SNX13: variants seen among roughly 807,000 people sequenced by gnomAD.
SNX13 encodes sorting nexin-13.
Under a neutral mutation model 133.6 loss-of-function variants are expected in SNX13, and 45 were observed. That is an observed-to-expected ratio of 0.34 (90% CI 0.27 to 0.43). The LOEUF is 0.43. Ranked by LOEUF, SNX13 falls within the 20% of genes least tolerant of loss-of-function variation. SNX13 has a pLI of 1.00. For missense variants in SNX13, 1,032 were observed against 1,145.1 expected (o/e 0.90, Z 1.43); for synonymous variants, 414 against 373.9 (o/e 1.11, Z -1.24).
chr7:17,923,736 T>C (rs1362126381), intron 1 of SNX13, among the ~76,000 whole-genome samples: 1 of 151,482 alleles, frequency 6.6e-6, no homozygotes, highest in Non-Finnish European at 1.5e-5. Flanking sequence ...CTTCTCGGAG[T>C]TGTGGCTAAT....
intron 20 of SNX13, among the ~76,000 whole-genome samples, chr7:17,807,449 A>C (rs1785439092): frequency 6.6e-6 from 1 of 152,194 alleles, no homozygotes; most frequent in Non-Finnish European, 1.5e-5. Context: ...GCAGGAAAGA[A>C]AGGCAGCAAC....
intron 22 of SNX13, among the ~76,000 whole-genome samples, chr7:17,800,268 T>C (rs1784471414): frequency 6.6e-6 from 1 of 151,784 alleles, no homozygotes; most frequent in Non-Finnish European, 1.5e-5. Flanking sequence ...AATGAAAATA[T>C]TATTTTTGAT....
chr7:17,851,213 A>C (rs2691620), intron 9 of SNX13, among the ~76,000 whole-genome samples: 85,606 of 152,076 alleles, frequency 0.56, 24,607 homozygotes, highest in East Asian at 0.72. Flanking sequence ...ATGATAGCAA[A>C]GAAGCCATGA....
chr7:17,823,200 T>C (rs1208735980), intron 17 of SNX13, among the ~76,000 whole-genome samples: 1 of 152,178 alleles, frequency 6.6e-6, no homozygotes, highest in Non-Finnish European at 1.5e-5. Context: ...CCCCATGGTC[T>C]ACGGCATCTG....
At chr7:17,812,041 A>C (rs6958211) in intron 20 of SNX13, among the ~76,000 whole-genome samples, 85,214 of 151,964 alleles carry the variant, frequency 0.56, 24,418 homozygotes, top group East Asian at 0.72. Flanking sequence ...AAAACATAAA[A>C]ACCCTAGAAG....
chr7:17,818,228 G>GGCCACC (rs1235708221), intron 18 of SNX13, among the ~76,000 whole-genome samples: 1 of 151,888 alleles, frequency 6.6e-6, no homozygotes, highest in African/African-American at 2.4e-5. Context: ...CTGTTGTTTG[G>GGCCACC]GCCACCCGGT....
At chr7:17,856,357 A>G (rs879307721) in intron 9 of SNX13, among the ~76,000 whole-genome samples, 1 of 152,256 alleles carries the variant, frequency 6.6e-6, no homozygotes, top group Admixed American at 6.5e-5. Flanking sequence ...ACATACTACC[A>G]GAGAAAAATC....
At chr7:17,915,479 GACAA>G (rs893217463) in intron 1 of SNX13, among the ~76,000 whole-genome samples, 1 of 152,120 alleles carries the variant, frequency 6.6e-6, no homozygotes, top group African/African-American at 2.4e-5. Flanking sequence ...AAAGTCAACC[GACAA>G]ACAACCCCAG....
chr7:17,792,560 T>A lies in SNX13; in HGVS notation c.*1485A>T, dbSNP rs1011305444. 2.0e-5 allele frequency: 3 copies of A among 152,404 alleles called. No individual in the cohort carries two copies. Among genetic ancestry groups the A allele is most frequent in the Non-Finnish European group, 4.4e-5 (3 of 67,908 alleles). The allele number at this position is 152,404 out of a possible 1,614,324, so 9.4% of individuals were successfully genotyped here. On this transcript the variant is annotated 3_prime_UTR_variant, in exon 26 of 26. Transcript: ENST00000428135. The stretch of plus-strand genomic sequence containing the variant: ...TGATATCTTGTTCCAATCTTAAAGC[T>A]CCCAAATAACTGGGATACCAATACT...
intron 1 of SNX13, among the ~76,000 whole-genome samples, chr7:17,910,781 A>T (rs1242055159): frequency 6.6e-6 from 1 of 152,222 alleles, no homozygotes; most frequent in Non-Finnish European, 1.5e-5. Context: ...TGTTAAATGA[A>T]AGAAGCCAGA....
chr7:17,866,283 C>A, intron 9 of SNX13, among the ~76,000 whole-genome samples: 1 of 146,576 alleles, frequency 6.8e-6, no homozygotes, highest in African/African-American at 2.5e-5. Context: ...GGAACTCAAA[C>A]AACTCAATAG....
intron 5 of SNX13, among the ~76,000 whole-genome samples, chr7:17,879,090 C>T (rs1395849689): frequency 6.6e-6 from 1 of 152,218 alleles, no homozygotes; most frequent in African/African-American, 2.4e-5. Flanking sequence ...TCTGATAATA[C>T]CAAACTTTCC....
At chr7:17,876,492 A>G (rs1794733091) in intron 5 of SNX13, among the ~76,000 whole-genome samples, 1 of 150,950 alleles carries the variant, frequency 6.6e-6, no homozygotes, top group Admixed American at 6.6e-5. Flanking sequence ...AAGTGGGAGG[A>G]TCACCTGAGC....
chr7:17,927,259 T>C (rs974132760), intron 1 of SNX13, among the ~76,000 whole-genome samples: 15 of 150,970 alleles, frequency 9.9e-5, no homozygotes, highest in Non-Finnish European at 4.4e-5. Context: ...ATATATATAT[T>C]AGAAACAGTG....
chr7:17,804,347 A>T (rs1372509171), intron 20 of SNX13, among the ~76,000 whole-genome samples: 1 of 152,218 alleles, frequency 6.6e-6, no homozygotes, highest in East Asian at 1.9e-4. Flanking sequence ...CAGAAAACTG[A>T]AATAACTAAT....
rs1362100166 is a variant in SNX13 at position 17,809,502 on chromosome 7, G to A, written c.2064+5332C>T. Reference sequence around the variant, plus strand: ...CAAGAGACCTACAAAGAGACTTAGAGTCCCACACAATAATAGTGGAAGACT... The same window carrying A: ...CAAGAGACCTACAAAGAGACTTAGAATCCCACACAATAATAGTGGAAGACT... On this transcript the variant is annotated intron_variant, in intron 20 of 25. Coordinates refer to ENST00000428135, the MANE Select transcript of SNX13 (RefSeq NM_015132.5). Among the ~76,000 whole-genome samples, 6 of 152,032 alleles carry A rather than the reference G, an allele frequency of 3.9e-5. No individual in the cohort carries two copies. The East Asian group carries it at 1.2e-3, about 29-fold the overall frequency.
chr7:17,846,304 T>C (rs1230398784), intron 11 of SNX13, among the ~76,000 whole-genome samples: 1 of 152,094 alleles, frequency 6.6e-6, no homozygotes, highest in Non-Finnish European at 1.5e-5. Context: ...TATCAGGCTT[T>C]GGGCTAGTTA....
At position 17,791,690 on chromosome 7, in the gene SNX13, T is replaced by C. The variant is rs932470061; in HGVS notation, c.*2355A>G. On this transcript the variant is annotated 3_prime_UTR_variant, in exon 26 of 26. Coordinates refer to ENST00000428135, the MANE Select transcript of SNX13 (RefSeq NM_015132.5). ...ACATAAAGCCTCTTCATGTATATAT[T>C]CATATATGCAATAAATGCATTAAAT... 1.3e-5 allele frequency: 2 copies of C among 152,096 alleles called. No homozygotes were observed. Among genetic ancestry groups the C allele is most frequent in the Non-Finnish European group, 2.9e-5 (2 of 67,960 alleles). The allele number at this position is 152,096 out of a possible 1,614,324, so 9.4% of individuals were successfully genotyped here. A position where few individuals can be genotyped will look rare whatever the true frequency, so the allele number is the denominator to read the frequency against.
At chr7:17,913,026 G>A (rs975056322) in intron 1 of SNX13, among the ~76,000 whole-genome samples, 1 of 152,144 alleles carries the variant, frequency 6.6e-6, no homozygotes, top group Non-Finnish European at 1.5e-5. Context: ...TGTCACTGCT[G>A]GGCACCCCAG....
Sources: gnomAD v4.1 joint callset for allele counts (sites outside exome capture counted in the v4.1 genomes callset) on GRCh38, gnomAD v4.1.1 for gene constraint, MANE v1.5 for transcripts, NCBI Gene and HGNC (gene_info 2026-07-23, HGNC 2026-07-21) for gene names.